SPG11: variants seen among roughly 807,000 people sequenced by gnomAD.
SPG11 encodes SPG11 vesicle trafficking associated, spatacsin.
In SPG11, 222 loss-of-function variants were observed where a neutral mutation model predicts 274.0. That is an observed-to-expected ratio of 0.81 (90% CI 0.73 to 0.91). The LOEUF (loss-of-function observed/expected upper bound fraction) is 0.91, where lower values mean the gene tolerates loss of function less well. SPG11 is among the 40% of genes least tolerant of loss of function. The pLI is 0.00. For missense variants in SPG11, 3,114 were observed against 2,872.7 expected, an observed-to-expected ratio of 1.08 and a Z score of -1.92; for synonymous variants, 1,144 against 1,039.7, an observed-to-expected ratio of 1.10 and a Z score of -1.93.
intron 1 of SPG11, 69 bp downstream of exon 1, chr15:44,663,322 C>G: frequency 6.4e-7 from 1 of 1,561,384 alleles, no homozygotes; most frequent in Non-Finnish European, 8.7e-7. Flanking sequence ...GGCGTGAGCC[C>G]TTGGGGCTCA....
chr15:44,587,633 T>G (rs560394349), intron 28 of SPG11, among the ~76,000 whole-genome samples: 27 of 142,626 alleles, frequency 1.9e-4, no homozygotes, highest in African/African-American at 6.6e-4. Context: ...GAGGTTGCAG[T>G]TGCAGTGAGC....
At chr15:44,616,123 T>C (rs2083587441) in intron 15 of SPG11, among the ~76,000 whole-genome samples, 2 of 152,112 alleles carry the variant, frequency 1.3e-5, no homozygotes, top group African/African-American at 4.8e-5. Flanking sequence ...TTATAAGCCC[T>C]TGGTATATTC....
chr15:44,609,416 AC>A (rs2083403040), intron 18 of SPG11, among the ~76,000 whole-genome samples: 1 of 151,970 alleles, frequency 6.6e-6, no homozygotes, highest in Non-Finnish European at 1.5e-5. Flanking sequence ...GGCATGAGCC[AC>A]CGCACCCGGC....
chr15:44,591,664 A>C (rs2082901652), intron 27 of SPG11, among the ~76,000 whole-genome samples: 1 of 152,208 alleles, frequency 6.6e-6, no homozygotes, highest in South Asian at 2.1e-4. Flanking sequence ...ATAACTTTCA[A>C]ATCTTCATTA....
At position 44,585,765 on chromosome 15, in the gene SPG11, G is replaced by A. The variant is rs933291966; in HGVS notation, c.4992C>T (p.Tyr1664=). ...IAINHTIITS[Y]SIENLQHECR... ...ATTCATGCTGAAGATTCTCAATGCT[G>A]TAGCTGGTAATAATTGTATGATTAA... Residue 1664 remains tyrosine (Y), a synonymous_variant, in exon 29 of 40, where the codon TAC becomes TAT. Coordinates refer to ENST00000261866, the MANE Select transcript of SPG11 (RefSeq NM_025137.4). The A allele has an allele frequency of 1.5e-5, 25 of 1,613,926 alleles. No individual in the cohort carries two copies. The highest frequency in any genetic ancestry group is 2.2e-5 in the East Asian group (1 of 44,894).
Position 44,622,207 on chromosome 15 carries a change from C to G in SPG11, c.2444+13G>C, listed in dbSNP as rs1347072799. 9.3e-6 allele frequency: 15 copies of G among 1,610,306 alleles called. No individual in the cohort carries two copies. The highest frequency in any genetic ancestry group is 3.3e-4 in the Middle Eastern group (2 of 6,054). ...GTATTCTAATATTATCAAAAGAGGA[C>G]TAATGAGACTACCTGGGAAATGACT... On this transcript the variant is annotated intron_variant, in intron 13 of 39. Coordinates refer to ENST00000261866, the MANE Select transcript of SPG11 (RefSeq NM_025137.4).
intron 7 of SPG11, among the ~76,000 whole-genome samples, chr15:44,647,814 G>C (rs971850427): frequency 2.0e-5 from 3 of 152,194 alleles, no homozygotes; most frequent in African/African-American, 7.2e-5. Flanking sequence ...TGATGAAAAT[G>C]TTCTAGAATT....
chr15:44,574,384 C>A (rs527701636), intron 31 of SPG11, among the ~76,000 whole-genome samples: 1 of 152,290 alleles, frequency 6.6e-6, no homozygotes, highest in East Asian at 1.9e-4. Flanking sequence ...AGCAGCAAAA[C>A]CCTCAATTTC....
At chr15:44,639,048 C>A (rs754997710) in intron 7 of SPG11, among the ~76,000 whole-genome samples, 2 of 151,260 alleles carry the variant, frequency 1.3e-5, no homozygotes, top group African/African-American at 4.9e-5. Flanking sequence ...CTGTATCCTG[C>A]GTATTTTTTT....
intron 1 of SPG11, among the ~76,000 whole-genome samples, chr15:44,661,535 A>T (rs576163674): frequency 7.2e-5 from 11 of 152,206 alleles, no homozygotes; most frequent in African/African-American, 2.4e-4. Context: ...ATAAGAGTAC[A>T]TAATAGTATT....
At chr15:44,657,022 T>C in intron 4 of SPG11, 73 bp downstream of exon 4, 1 of 1,297,790 alleles carries the variant, frequency 7.7e-7, no homozygotes, top group Non-Finnish European at 1.1e-6. Flanking sequence ...AAAAAAAAAC[T>C]AACGAGGATA....
At chr15:44,657,410 A>G (rs2084973461) in intron 3 of SPG11, 114 bp from the exon 4 acceptor site, 3 of 943,734 alleles carry the variant, frequency 3.2e-6, no homozygotes, top group Non-Finnish European at 4.9e-6. Context: ...GGTATAACAG[A>G]AGAAGACTGA....
At chr15:44,573,839 G>C in intron 31 of SPG11, 94 bp from the exon 32 acceptor site, 1 of 1,174,750 alleles carries the variant, frequency 8.5e-7, no homozygotes, top group Non-Finnish European at 1.3e-6. Flanking sequence ...AGACTCCACT[G>C]TATTCTGAGC....
At chr15:44,627,315 A>C (rs2083929373) in intron 10 of SPG11, among the ~76,000 whole-genome samples, 1 of 152,208 alleles carries the variant, frequency 6.6e-6, no homozygotes, top group South Asian at 2.1e-4. Flanking sequence ...GGCACTCTTA[A>C]CCTAGGGCTT....
At chr15:44,646,742 TG>T (rs2084622631) in intron 7 of SPG11, among the ~76,000 whole-genome samples, 1 of 152,162 alleles carries the variant, frequency 6.6e-6, no homozygotes, top group Non-Finnish European at 1.5e-5. Context: ...AATCAGATAC[TG>T]GGTGTTCTCA....
intron 26 of SPG11, among the ~76,000 whole-genome samples, chr15:44,593,104 C>G (rs964698301): frequency 6.6e-6 from 1 of 152,176 alleles, no homozygotes; most frequent in African/African-American, 2.4e-5. Flanking sequence ...TATACCTACT[C>G]AACAATCAAT....
intron 11 of SPG11, among the ~76,000 whole-genome samples, chr15:44,623,657 A>C (rs2083815862): frequency 6.6e-6 from 1 of 152,254 alleles, no homozygotes; most frequent in Admixed American, 6.5e-5. Flanking sequence ...CCTCCAACAA[A>C]TAATGAGCTC....
At chr15:44,639,300 CACACACAG>C (rs1454224280) in intron 7 of SPG11, among the ~76,000 whole-genome samples, 2 of 151,108 alleles carry the variant, frequency 1.3e-5, no homozygotes, top group African/African-American at 4.9e-5. Flanking sequence ...CACACACACA[CACACACAG>C]AGATGGAGAG....
chr15:44,613,519 C>A lies in SPG11; in HGVS notation c.3056G>T (p.Cys1019Phe). The A allele has an allele frequency of 6.2e-7, 1 of 1,612,590 alleles. No homozygotes were observed. ...LDCYKLSPEN[C>F]PFLEKKELHE... is the part of the protein sequence containing the mutation. ...TAACTCTTTTTTTTCCAAAAAGGGA[C>A]AATTTTCAGGACTAAGTCTGTATAT... Residue 1019 changes from cysteine (C) to phenylalanine (F), a missense_variant, in exon 17 of 40, where the codon TGT (cysteine) becomes TTT (phenylalanine). Cys to Phe is a radical substitution (Grantham distance 205). Coordinates refer to ENST00000261866, the MANE Select transcript of SPG11 (RefSeq NM_025137.4).
Sources: allele counts gnomAD v4.1 joint callset (sites outside exome capture counted in the v4.1 genomes callset), GRCh38; gene constraint gnomAD v4.1.1; transcripts MANE v1.5; gene names NCBI Gene and HGNC (gene_info 2026-07-23, HGNC 2026-07-21).